TVP23B: variants seen among roughly 807,000 people sequenced by gnomAD.
TVP23B encodes the protein Golgi apparatus membrane protein TVP23 homolog B.
TVP23B carries 10 observed loss-of-function variants against 30.6 expected under a neutral mutation model. That is an observed-to-expected ratio of 0.33 (90% CI 0.20 to 0.55). The LOEUF (loss-of-function observed/expected upper bound fraction) is 0.55. Ranked by LOEUF, TVP23B falls within the 20% of genes least tolerant of loss-of-function variation. TVP23B has a pLI of 0.91. For synonymous variants in TVP23B, 67 were observed against 83.1 expected (o/e 0.81, Z 1.06); for missense variants, 153 against 243.2 (o/e 0.63, Z 2.47).
chr17:18,790,019 T>C (rs1392459647), intron 2 of TVP23B, among the ~76,000 whole-genome samples: 2 of 152,202 alleles, frequency 1.3e-5, no homozygotes, highest in African/African-American at 4.8e-5. Context: ...TGACTGCCAG[T>C]GGGTACAAAG....
chr17:18,783,217 TGCCTCACCCTCC>T (rs1488783593), intron 1 of TVP23B, among the ~76,000 whole-genome samples: 1 of 152,106 alleles, frequency 6.6e-6, no homozygotes, highest in African/African-American at 2.4e-5. Context: ...GCGATTCTTC[TGCCTCACCCTCC>T]AGAGTAGCTG....
At chr17:18,791,366 T>G (rs2035992421) in intron 3 of TVP23B, among the ~76,000 whole-genome samples, 1 of 141,776 alleles carries the variant, frequency 7.1e-6, no homozygotes, top group Admixed American at 7.3e-5. Flanking sequence ...TTCTAATCCA[T>G]ACCATGGGTT....
intron 1 of TVP23B, among the ~76,000 whole-genome samples, chr17:18,783,062 TTGA>T (rs1258835295): frequency 8.6e-6 from 1 of 116,230 alleles, no homozygotes; most frequent in East Asian, 2.3e-4. Context: ...CACAACAATG[TTGA>T]CTGTTCCCAC....
At chr17:18,784,850 A>T (rs1322629436) in intron 1 of TVP23B, among the ~76,000 whole-genome samples, 1 of 151,996 alleles carries the variant, frequency 6.6e-6, no homozygotes, top group East Asian at 1.9e-4. Flanking sequence ...TGTGATCTCT[A>T]ATTATTGGAA....
intron 6 of TVP23B, 80 bp downstream of exon 6, chr17:18,804,346 G>C: frequency 6.8e-7 from 1 of 1,475,982 alleles, no homozygotes; most frequent in Non-Finnish European, 9.1e-7. Context: ...AAACGCTCCT[G>C]AACAGAAGTT....
chr17:18,802,113 T>C (rs2036177101), intron 5 of TVP23B, among the ~76,000 whole-genome samples: 1 of 151,972 alleles, frequency 6.6e-6, no homozygotes, highest in South Asian at 2.1e-4. Flanking sequence ...TCCCAGTTAC[T>C]CGGGAGGCTG....
intron 3 of TVP23B, among the ~76,000 whole-genome samples, chr17:18,791,349 A>G (rs1426844320): frequency 1.4e-5 from 2 of 139,910 alleles, no homozygotes; most frequent in South Asian, 2.4e-4. Context: ...AGACCCTACA[A>G]TGTTGCTTCT....
At chr17:18,797,361 T>C (rs1567635780) in intron 3 of TVP23B, 1 of 543,398 alleles carries the variant, frequency 1.8e-6, no homozygotes, top group South Asian at 2.1e-5. Context: ...TGGGTGGACT[T>C]GTTGCTTGCT....
rs1209464303 is a variant in TVP23B, at chr17:18,781,418, C to A, written c.12+113C>A. 3 of 1,507,052 alleles carry A rather than the reference C, an allele frequency of 2.0e-6. No homozygotes were observed. The Admixed American group carries it at 6.2e-5, about 31-fold the overall frequency. The allele number at this position is 1,507,052 out of a possible 1,614,324, so 93.4% of individuals were successfully genotyped here. ...CCCGCTACTCGAACTCGAGGAGGAGCGGGGCGGCCGGGAGTGGAGGGCTGT... is the reference window on the plus strand; with the variant it reads ...CCCGCTACTCGAACTCGAGGAGGAGAGGGGCGGCCGGGAGTGGAGGGCTGT... On this transcript the variant is annotated intron_variant, in intron 1 of 6. Transcript: ENST00000307767.
rs1308997606 is a variant in TVP23B, at chr17:18,784,110, A to C, written c.12+2805A>C. ...CAGTGAGCCGAGATCGCGCCACTGC[A>C]CTCCAGCCTGGGCGACAGAGCCAGA... On this transcript the variant is annotated intron_variant, in intron 1 of 6. Coordinates refer to ENST00000307767, the MANE Select transcript of TVP23B (RefSeq NM_016078.6). Among the ~76,000 whole-genome samples the C allele has an allele frequency of 4.0e-5, 6 of 151,840 alleles. No individual in the cohort carries two copies. In the South Asian group the frequency reaches 1.2e-3, roughly 32 times the overall value.
intron 3 of TVP23B, among the ~76,000 whole-genome samples, chr17:18,793,987 A>G (rs2036037878): frequency 6.6e-6 from 1 of 151,980 alleles, no homozygotes; most frequent in Non-Finnish European, 1.5e-5. Flanking sequence ...GGATCAGAGT[A>G]AGAAAGCACT....
At chr17:18,792,040 CT>C (rs547729053) in intron 3 of TVP23B, among the ~76,000 whole-genome samples, 10 of 148,328 alleles carry the variant, frequency 6.7e-5, no homozygotes, top group African/African-American at 9.9e-5. Flanking sequence ...TCTTTTAATT[CT>C]TTTTTTTTTG....
intron 2 of TVP23B, among the ~76,000 whole-genome samples, chr17:18,790,465 AAAAAAAAAAAAAAAG>A (rs2035974018): frequency 3.1e-5 from 2 of 65,434 alleles, no homozygotes; most frequent in South Asian, 7.6e-4. Context: ...CTCCGTCTCA[AAAAAAAAAAAAAAAG>A]AAAAGAAAGA....
chr17:18,800,507 T>G (rs1230854808), intron 5 of TVP23B, among the ~76,000 whole-genome samples: 8 of 152,336 alleles, frequency 5.3e-5, no homozygotes, highest in Admixed American at 1.3e-4. Flanking sequence ...CCTGGCTGGA[T>G]TAATATTCTT....
chr17:18,788,330 C>CAA (rs961283447), intron 1 of TVP23B, among the ~76,000 whole-genome samples: 9,201 of 67,206 alleles, frequency 0.14, 1,092 homozygotes, highest in African/African-American at 0.19. Flanking sequence ...GACTCCATCT[C>CAA]AAAAAAAAAA....
chr17:18,784,013 C>T (rs1283693276), intron 1 of TVP23B, among the ~76,000 whole-genome samples: 5 of 152,080 alleles, frequency 3.3e-5, no homozygotes, highest in East Asian at 1.9e-4. Flanking sequence ...GGGGTGGTGG[C>T]GGGCACCTGT....
rs1029289535 is a variant in TVP23B, at chr17:18,806,258, A to G, written c.*691A>G. 12 of 969,340 alleles carry G rather than the reference A, an allele frequency of 1.2e-5. No individual in the cohort carries two copies. Among genetic ancestry groups the G allele is most frequent in the African/African-American group, 5.3e-5 (3 of 56,904 alleles). The allele number at this position is 969,340 out of a possible 1,614,324, so 60.0% of individuals were successfully genotyped here. A position where few individuals can be genotyped will look rare whatever the true frequency, so the allele number is the denominator to read the frequency against. On this transcript the variant is annotated 3_prime_UTR_variant, in exon 7 of 7. Coordinates refer to ENST00000307767, the MANE Select transcript of TVP23B (RefSeq NM_016078.6). ...ATTGCTGCTGTTCTATTTATTTTAC[A>G]GAAAGGATAGCTAGATTGAAAGCTC...
At chr17:18,800,684 T>C (rs1322977768) in intron 5 of TVP23B, among the ~76,000 whole-genome samples, 1 of 152,092 alleles carries the variant, frequency 6.6e-6, no homozygotes, top group Non-Finnish European at 1.5e-5. Context: ...TATCTTTCCA[T>C]ATCAAGTTTT....
chr17:18,785,738 C>T (rs563308294), intron 1 of TVP23B, among the ~76,000 whole-genome samples: 15 of 152,088 alleles, frequency 9.9e-5, no homozygotes, highest in African/African-American at 3.6e-4. Flanking sequence ...GATATGGTGG[C>T]TTGCAGTACT....
Sources: gnomAD v4.1 joint callset for allele counts (sites outside exome capture counted in the v4.1 genomes callset) on GRCh38, gnomAD v4.1.1 for gene constraint, MANE v1.5 for transcripts, NCBI Gene and HGNC (gene_info 2026-07-23, HGNC 2026-07-21) for gene names.